The following TAF1B variants were observed in gnomAD, a reference collection of about 807,000 sequenced individuals.
The protein encoded by TAF1B is TATA-box binding protein associated factor, RNA polymerase I subunit B, also known as TATA box-binding protein-associated factor RNA polymerase I subunit B.
Under a neutral mutation model 83.9 loss-of-function variants are expected in TAF1B, and 61 were observed. The observed-to-expected ratio is 0.73, with a 90% CI of 0.59 to 0.90. The LOEUF is 0.90. TAF1B is among the 40% of genes least tolerant of loss of function. The pLI is 0.00. For synonymous variants in TAF1B, 221 were observed against 224.6 expected, an observed-to-expected ratio of 0.98 and a Z score of 0.14; for missense variants, 625 against 677.0, an observed-to-expected ratio of 0.92 and a Z score of 0.85.
chr2:9,916,834 G>GTTGTTTTTTTTTTTTTTTTTT (rs1572282272), intron 12 of TAF1B, among the ~76,000 whole-genome samples: 1 of 44,848 alleles, frequency 2.2e-5, no homozygotes, highest in Admixed American at 3.6e-4. Context: ...TTTCCTTTCT[G>GTTGTTTTTTTTTTTTTTTTTT]TTCTTTTTTT....
chr2:9,858,709 A>G (rs1177136755), intron 5 of TAF1B, among the ~76,000 whole-genome samples: 4 of 152,234 alleles, frequency 2.6e-5, no homozygotes, highest in Non-Finnish European at 5.9e-5. Context: ...CGCCACGTGG[A>G]AGCTGCCAAA....
intron 5 of TAF1B, among the ~76,000 whole-genome samples, chr2:9,861,741 G>C (rs1197522414): frequency 6.6e-6 from 1 of 152,206 alleles, no homozygotes; most frequent in Admixed American, 6.5e-5. Context: ...ACTCCTCTGA[G>C]ACAAAACTTC....
chr2:9,845,136 C>T, intron 1 of TAF1B, 84 bp from the exon 2 acceptor site: 1 of 901,364 alleles, frequency 1.1e-6, no homozygotes, highest in African/African-American at 1.7e-5. Flanking sequence ...TGCCAGGAAC[C>T]CATTAAATAG....
At chr2:9,884,843 T>C (rs1039455826) in intron 8 of TAF1B, among the ~76,000 whole-genome samples, 5 of 152,076 alleles carry the variant, frequency 3.3e-5, no homozygotes, top group African/African-American at 4.8e-5. Context: ...TGGGCATCCT[T>C]GTGCTCTCAG....
At chr2:9,920,948 T>C (rs375082524) in intron 14 of TAF1B, among the ~76,000 whole-genome samples, 8 of 152,170 alleles carry the variant, frequency 5.3e-5, no homozygotes, top group Non-Finnish European at 1.2e-4. Flanking sequence ...GGCTTTTGAC[T>C]TCATCAGGTT....
chr2:9,910,016 C>T (rs1479327489), intron 9 of TAF1B, among the ~76,000 whole-genome samples: 1 of 132,474 alleles, frequency 7.5e-6, no homozygotes, highest in Non-Finnish European at 1.8e-5. Flanking sequence ...TAAAAAATGG[C>T]TGTCATACTT....
At chr2:9,919,184 A>T (rs1024519693) in intron 13 of TAF1B, 73 bp downstream of exon 13, 13 of 1,293,500 alleles carry the variant, frequency 1.0e-5, no homozygotes, top group Non-Finnish European at 1.4e-5. Flanking sequence ...TGGACTTGAA[A>T]TGTTGAATGC....
At chr2:9,912,467 A>G (rs991811244) in intron 11 of TAF1B, among the ~76,000 whole-genome samples, 4 of 152,214 alleles carry the variant, frequency 2.6e-5, no homozygotes, top group Admixed American at 6.5e-5. Context: ...TATGTGCAAA[A>G]TAAAATACTA....
intron 7 of TAF1B, among the ~76,000 whole-genome samples, chr2:9,881,319 C>T (rs1664498773): frequency 6.6e-6 from 1 of 151,448 alleles, no homozygotes; most frequent in Non-Finnish European, 1.5e-5. Context: ...GGCTGGGCGA[C>T]AGTGAGACTC....
chr2:9,931,953 G>A (rs567225407), intron 14 of TAF1B, among the ~76,000 whole-genome samples: 28 of 152,062 alleles, frequency 1.8e-4, no homozygotes, highest in South Asian at 4.2e-4. Flanking sequence ...CCACTTGATC[G>A]AATCGGCTAT....
intron 5 of TAF1B, among the ~76,000 whole-genome samples, chr2:9,857,668 A>G (rs995497291): frequency 2.0e-5 from 3 of 152,214 alleles, no homozygotes; most frequent in African/African-American, 7.2e-5. Context: ...AGGCCCTAGA[A>G]AACATGTAAT....
chr2:9,928,899 G>C (rs936774319), intron 14 of TAF1B, among the ~76,000 whole-genome samples: 10 of 152,136 alleles, frequency 6.6e-5, no homozygotes, highest in African/African-American at 1.7e-4. Flanking sequence ...ACACTATGTT[G>C]AATAGGAGTG....
chr2:9,923,636 G>A (rs535314184), intron 14 of TAF1B, among the ~76,000 whole-genome samples: 74 of 151,022 alleles, frequency 4.9e-4, no homozygotes, highest in African/African-American at 1.7e-3. Context: ...CCGAGATCAC[G>A]CCATTGCACT....
intron 6 of TAF1B, among the ~76,000 whole-genome samples, chr2:9,871,333 C>T (rs1003624620): frequency 4.6e-5 from 7 of 152,134 alleles, no homozygotes; most frequent in African/African-American, 7.2e-5. Context: ...CTGCCCACCT[C>T]GGCCTCCCAA....
At chr2:9,903,208 C>T (rs1382264790) in intron 8 of TAF1B, among the ~76,000 whole-genome samples, 1 of 152,122 alleles carries the variant, frequency 6.6e-6, no homozygotes, top group East Asian at 1.9e-4. Flanking sequence ...GCCTCAGCCT[C>T]CCAAGTAGCT....
chr2:9,931,767 C>G (rs1001958121), intron 14 of TAF1B, among the ~76,000 whole-genome samples: 5 of 152,160 alleles, frequency 3.3e-5, no homozygotes, highest in Admixed American at 3.3e-4. Flanking sequence ...GAGTGTTTTC[C>G]AACTTGGTTC....
chr2:9,927,958 T>C (rs1228131398), intron 14 of TAF1B, among the ~76,000 whole-genome samples: 2 of 152,142 alleles, frequency 1.3e-5, no homozygotes, highest in East Asian at 1.9e-4. Context: ...TCCTGAATGG[T>C]ATTGCCTAGG....
intron 7 of TAF1B, among the ~76,000 whole-genome samples, chr2:9,880,559 C>T (rs1245729368): frequency 6.7e-6 from 1 of 149,178 alleles, no homozygotes; most frequent in African/African-American, 2.5e-5. Context: ...GACATTTCTG[C>T]TTCCCCTAGT....
intron 2 of TAF1B, among the ~76,000 whole-genome samples, chr2:9,847,903 C>A (rs1248648710): frequency 6.6e-6 from 1 of 152,194 alleles, no homozygotes; most frequent in African/African-American, 2.4e-5. Context: ...GCTGTTCAAT[C>A]TTCTGCCGTA....
Sources: gnomAD v4.1 joint callset for allele counts (sites outside exome capture counted in the v4.1 genomes callset) on GRCh38, gnomAD v4.1.1 for gene constraint, MANE v1.5 for transcripts, NCBI Gene and HGNC (gene_info 2026-07-23, HGNC 2026-07-21) for gene names.